SLC16A10: variants seen among roughly 807,000 people sequenced by gnomAD.
The protein encoded by SLC16A10 is solute carrier family 16 member 10.
A neutral mutation model predicts 40.0 loss-of-function variants in SLC16A10; 27 were observed. The observed-to-expected ratio is 0.67, with a 90% CI of 0.50 to 0.93. The LOEUF is 0.93. Ranked by LOEUF, SLC16A10 falls within the 40% of genes least tolerant of loss-of-function variation. SLC16A10 has a pLI of 0.00. For missense variants in SLC16A10, 529 were observed against 658.2 expected (o/e 0.80, Z 2.15); for synonymous variants, 213 against 249.8 (o/e 0.85, Z 1.39).
At position 111,228,465 on chromosome 6, in the gene SLC16A10, G is replaced by A. The variant is rs1445377657; in HGVS notation, c.*6230G>A. On this transcript the variant is annotated 3_prime_UTR_variant, in exon 6 of 6. Transcript: ENST00000368851. ...TAAAAAGAGTATTTTGGAGTTCAAT[G>A]TCCCTAAACATGTATGCGATAGGAA... The A allele has an allele frequency of 1.3e-5, 2 of 152,158 alleles. No homozygotes were observed. The highest frequency in any genetic ancestry group is 2.4e-5 in the African/African-American group (1 of 41,434). The allele number at this position is 152,158 out of a possible 1,614,324, so 9.4% of individuals were successfully genotyped here.
chr6:111,162,554 GC>G lies in SLC16A10; in HGVS notation c.344-10139del, dbSNP rs141789380. Among the ~76,000 whole-genome samples the G allele has an allele frequency of 3.0e-3, 450 of 152,318 alleles. 20 individuals are homozygous for G. The East Asian group carries it at 0.084, about 29-fold the overall frequency. Reference sequence around the variant, plus strand: ...AGGTAAGCACACCCTTCCAGTCAAAGCCTTGGTAAAACAACCAGTTTCTCCA... The same window carrying G: ...AGGTAAGCACACCCTTCCAGTCAAAGCTTGGTAAAACAACCAGTTTCTCCA... On this transcript the variant is annotated intron_variant, in intron 1 of 5. Transcript: ENST00000368851.
chr6:111,209,838 T>A (rs1773317995), intron 4 of SLC16A10, among the ~76,000 whole-genome samples: 1 of 152,136 alleles, frequency 6.6e-6, no homozygotes, highest in Non-Finnish European at 1.5e-5. Context: ...TTACAGAGAA[T>A]GGTTTCTACA....
At chr6:111,180,016 A>G (rs898128656) in intron 3 of SLC16A10, among the ~76,000 whole-genome samples, 3 of 152,222 alleles carry the variant, frequency 2.0e-5, no homozygotes, top group African/African-American at 4.8e-5. Flanking sequence ...AAGACTAGTA[A>G]AGTAGATGAT....
At position 111,223,612 on chromosome 6, in the gene SLC16A10, A is replaced by AT. The variant is rs1215909128; in HGVS notation, c.*1380dup. 1 of 152,160 alleles carries AT rather than the reference A, an allele frequency of 6.6e-6. No homozygotes were observed. Among genetic ancestry groups the AT allele is most frequent in the Non-Finnish European group, 1.5e-5 (1 of 68,042 alleles). The allele number at this position is 152,160 out of a possible 1,614,324, so 9.4% of individuals were successfully genotyped here. ...ATTTCATATTCAGGGGACTTAGATA[A>AT]TTTGCCTGTGGATGGTTCTTTTGCA... On this transcript the variant is annotated 3_prime_UTR_variant, in exon 6 of 6. Coordinates refer to ENST00000368851, the MANE Select transcript of SLC16A10 (RefSeq NM_018593.5).
intron 1 of SLC16A10, among the ~76,000 whole-genome samples, chr6:111,155,367 GT>G (rs1280313066): frequency 6.9e-6 from 1 of 145,454 alleles, no homozygotes; most frequent in African/African-American, 2.5e-5. Context: ...AAGTTGTTTC[GT>G]TTTTTTTTTT....
chr6:111,203,830 A>G (rs1562432491), intron 3 of SLC16A10, among the ~76,000 whole-genome samples: 1 of 152,132 alleles, frequency 6.6e-6, no homozygotes, highest in Non-Finnish European at 1.5e-5. Flanking sequence ...TCTTCTTTCA[A>G]AATACCTCAA....
intron 1 of SLC16A10, among the ~76,000 whole-genome samples, chr6:111,089,273 A>G (rs1223871347): frequency 1.3e-5 from 2 of 152,212 alleles, no homozygotes; most frequent in South Asian, 4.1e-4. Flanking sequence ...TATTTGTATC[A>G]TTCTGCAACT....
At chr6:111,212,590 C>T (rs1186048318) in intron 4 of SLC16A10, among the ~76,000 whole-genome samples, 2 of 152,030 alleles carry the variant, frequency 1.3e-5, no homozygotes, top group Admixed American at 6.5e-5. Flanking sequence ...CCCAGGAATG[C>T]AAGACCAGCC....
At chr6:111,168,229 C>G (rs1391312610) in intron 1 of SLC16A10, among the ~76,000 whole-genome samples, 2 of 152,166 alleles carry the variant, frequency 1.3e-5, no homozygotes, top group African/African-American at 4.8e-5. Context: ...ATCCACCCAC[C>G]TCGGGCTCCC....
intron 4 of SLC16A10, among the ~76,000 whole-genome samples, chr6:111,207,096 G>T (rs548787695): frequency 1.3e-4 from 20 of 152,098 alleles, no homozygotes; most frequent in Non-Finnish European, 2.6e-4. Context: ...CTCCCAAAGT[G>T]GCTTAAATTC....
intron 1 of SLC16A10, among the ~76,000 whole-genome samples, chr6:111,151,829 A>G (rs1436982896): frequency 2.6e-5 from 4 of 152,146 alleles, no homozygotes; most frequent in African/African-American, 7.2e-5. Context: ...ATGAACGCCT[A>G]TTCATCCTCC....
At chr6:111,200,811 G>A (rs559569230) in intron 3 of SLC16A10, among the ~76,000 whole-genome samples, 3 of 152,206 alleles carry the variant, frequency 2.0e-5, no homozygotes, top group South Asian at 4.2e-4. Context: ...AGGCAGAATG[G>A]TCTTCTAGAG....
rs544552044 is a variant in SLC16A10 at position 111,144,260 on chromosome 6, G to C, written c.344-28435G>C. On this transcript the variant is annotated intron_variant, in intron 1 of 5. Coordinates refer to ENST00000368851, the MANE Select transcript of SLC16A10 (RefSeq NM_018593.5). ...TCTCTGTCCCCCAGGCTGGAGTGCA[G>C]TGGCACGATTTCGGCTCACTGCAAG... Among the ~76,000 whole-genome samples the C allele has an allele frequency of 7.9e-5, 12 of 152,288 alleles. No homozygotes were observed. The East Asian group carries it at 2.1e-3, about 27-fold the overall frequency.
intron 3 of SLC16A10, among the ~76,000 whole-genome samples, chr6:111,196,468 C>G (rs561808564): frequency 7.2e-5 from 11 of 152,148 alleles, no homozygotes; most frequent in African/African-American, 2.7e-4. Context: ...TAGGCAACAG[C>G]GAGACCCCAT....
At chr6:111,196,763 C>T (rs1773085772) in intron 3 of SLC16A10, among the ~76,000 whole-genome samples, 1 of 152,144 alleles carries the variant, frequency 6.6e-6, no homozygotes, top group Non-Finnish European at 1.5e-5. Context: ...TAATCATTTA[C>T]ATAGCATTTA....
At chr6:111,129,785 A>T (rs967637481) in intron 1 of SLC16A10, among the ~76,000 whole-genome samples, 7 of 152,252 alleles carry the variant, frequency 4.6e-5, no homozygotes, top group African/African-American at 1.7e-4. Context: ...GTGAAAGGCC[A>T]CAGGACAAAG....
intron 1 of SLC16A10, among the ~76,000 whole-genome samples, chr6:111,140,003 TGAGTGGGAA>T (rs958804482): frequency 4.6e-5 from 7 of 152,102 alleles, no homozygotes; most frequent in Non-Finnish European, 8.8e-5. Flanking sequence ...GGGATCTACT[TGAGTGGGAA>T]GAGTGGGAAG....
chr6:111,210,832 C>T (rs1466492715), intron 4 of SLC16A10, among the ~76,000 whole-genome samples: 2 of 151,940 alleles, frequency 1.3e-5, no homozygotes, highest in Admixed American at 6.6e-5. Context: ...GTCAGGAGAT[C>T]GAAACACAGT....
chr6:111,164,533 G>C (rs113966342), intron 1 of SLC16A10, among the ~76,000 whole-genome samples: 6 of 152,220 alleles, frequency 3.9e-5, no homozygotes, highest in African/African-American at 1.4e-4. Context: ...ACCCAGCCAG[G>C]TGGATCACCT....
Sources: gnomAD v4.1 joint callset for allele counts (sites outside exome capture counted in the v4.1 genomes callset) on GRCh38, gnomAD v4.1.1 for gene constraint, MANE v1.5 for transcripts, NCBI Gene and HGNC (gene_info 2026-07-23, HGNC 2026-07-21) for gene names.